Variants in VPS13A observed in about 807,000 individuals in gnomAD.
VPS13A encodes vacuolar protein sorting 13 homolog A.
In VPS13A, 264 loss-of-function variants were observed where a neutral mutation model predicts 390.9. The ratio of observed to expected loss-of-function variants is 0.68; its 90% CI spans 0.61 to 0.75. The LOEUF is 0.75. VPS13A is among the 30% of genes least tolerant of loss of function. The pLI is 0.00. For synonymous variants in VPS13A, 1,231 were observed against 1,227.1 expected (o/e 1.00, Z -0.07); for missense variants, 3,409 against 3,733.9 (o/e 0.91, Z 2.27).
chr9:77,396,638 T>C (rs1432711965), intron 68 of VPS13A, among the ~76,000 whole-genome samples: 1 of 152,176 alleles, frequency 6.6e-6, no homozygotes, highest in Non-Finnish European at 1.5e-5. Flanking sequence ...CACTCGAGTC[T>C]GAGGTTTGAA....
intron 68 of VPS13A, among the ~76,000 whole-genome samples, chr9:77,392,162 G>C (rs967792459): frequency 5.9e-5 from 9 of 152,156 alleles, no homozygotes; most frequent in Non-Finnish European, 1.2e-4. Context: ...CCTAAAATAT[G>C]ACCCATCTTC....
intron 19 of VPS13A, among the ~76,000 whole-genome samples, chr9:77,242,271 A>G (rs1244841860): frequency 1.3e-5 from 2 of 152,270 alleles, no homozygotes; most frequent in Non-Finnish European, 2.9e-5. Context: ...TTCCTAAGAT[A>G]AAATAATTTA....
intron 10 of VPS13A, among the ~76,000 whole-genome samples, chr9:77,218,590 A>G (rs575702252): frequency 3.2e-4 from 48 of 151,758 alleles, no homozygotes; most frequent in African/African-American, 1.1e-3. Flanking sequence ...AAAGTTTGAG[A>G]ACCACTCAGA....
intron 5 of VPS13A, among the ~76,000 whole-genome samples, chr9:77,207,267 GTAACA>G (rs1413189795): frequency 3.9e-5 from 3 of 77,224 alleles, no homozygotes; most frequent in Admixed American, 3.8e-4. Context: ...CGTGTTATAT[GTAACA>G]TAACATGCAT....
chr9:77,196,437 C>CT (rs1825006173), intron 1 of VPS13A, among the ~76,000 whole-genome samples: 1 of 152,172 alleles, frequency 6.6e-6, no homozygotes, highest in South Asian at 2.1e-4. Context: ...TTCTTCCCAT[C>CT]TTACTGTAAC....
At chr9:77,276,264 G>A in intron 26 of VPS13A, 43 bp downstream of exon 26, 1 of 1,486,758 alleles carries the variant, frequency 6.7e-7, no homozygotes, top group Non-Finnish European at 9.0e-7. Context: ...TAATTTCATT[G>A]TTTGACTACC....
chr9:77,399,518 C>CT (rs1834281138), intron 68 of VPS13A, among the ~76,000 whole-genome samples: 1 of 143,086 alleles, frequency 7.0e-6, no homozygotes, highest in South Asian at 2.4e-4. Context: ...TAAACCATAG[C>CT]TTTTAAACTA....
chr9:77,214,955 G>A (rs1042820720), intron 10 of VPS13A, among the ~76,000 whole-genome samples: 1 of 152,072 alleles, frequency 6.6e-6, no homozygotes, highest in Non-Finnish European at 1.5e-5. Flanking sequence ...TAGTAGAGAC[G>A]GGGTTTCACC....
rs200313087 is a variant in VPS13A at position 77,191,295 on chromosome 9, CTTTTTTT to C, written c.101-8640_101-8634del. Among the ~76,000 whole-genome samples the C allele has an allele frequency of 3.7e-5, 5 of 134,568 alleles. No individual in the cohort carries two copies. In the Admixed American group the frequency reaches 3.8e-4, roughly 10 times the overall value. The allele number at this position is 134,568 out of a possible 152,430, so 88.3% of individuals were successfully genotyped here. On this transcript the variant is annotated intron_variant, in intron 1 of 71. Coordinates refer to ENST00000360280, the MANE Select transcript of VPS13A (RefSeq NM_033305.3). ...TTTCTTTTCTTTTCTTTTTCTTCTT[CTTTTTTT>C]TTTTTTTTTGAGACAGGTTCTTGCC...
chr9:77,359,185 TGTA>T (rs962584297), intron 57 of VPS13A, 145 bp from the exon 58 acceptor site: 11 of 674,572 alleles, frequency 1.6e-5, no homozygotes, highest in Admixed American at 2.6e-5. Flanking sequence ...AAATTAAGAT[TGTA>T]GTAGATTTTG....
intron 17 of VPS13A, among the ~76,000 whole-genome samples, chr9:77,229,820 T>C (rs951671370): frequency 3.3e-5 from 5 of 152,168 alleles, no homozygotes; most frequent in Non-Finnish European, 7.3e-5. Context: ...GCTAATACTA[T>C]TTAACCTTTT....
intron 17 of VPS13A, among the ~76,000 whole-genome samples, chr9:77,235,092 A>G (rs554419717): frequency 2.0e-5 from 3 of 152,340 alleles, no homozygotes; most frequent in Admixed American, 2.0e-4. Context: ...CCAAAAATGC[A>G]ATATTACTGG....
chr9:77,181,652 T>C (rs1824026120), intron 1 of VPS13A, among the ~76,000 whole-genome samples: 1 of 152,144 alleles, frequency 6.6e-6, no homozygotes, highest in African/African-American at 2.4e-5. Flanking sequence ...ATCCAGCAAA[T>C]TTCAATATTA....
At chr9:77,228,828 C>A (rs1333186407) in intron 17 of VPS13A, among the ~76,000 whole-genome samples, 1 of 152,012 alleles carries the variant, frequency 6.6e-6, no homozygotes, top group African/African-American at 2.4e-5. Flanking sequence ...GGCACCTCTT[C>A]CCTGGTGGCA....
chr9:77,298,200 G>T (rs1243336577), intron 33 of VPS13A, among the ~76,000 whole-genome samples: 1 of 152,164 alleles, frequency 6.6e-6, no homozygotes, highest in Non-Finnish European at 1.5e-5. Context: ...GAGAGATCTT[G>T]AAAGAAATCC....
chr9:77,371,654 A>AT (rs76102647), intron 67 of VPS13A, among the ~76,000 whole-genome samples: 30,615 of 147,454 alleles, frequency 0.21, 3,693 homozygotes, highest in Admixed American at 0.34. Context: ...ATTCATTTTG[A>AT]TTTTTTTTTT....
At chr9:77,324,437 G>A (rs1829901010) in intron 45 of VPS13A, among the ~76,000 whole-genome samples, 1 of 152,092 alleles carries the variant, frequency 6.6e-6, no homozygotes, top group Non-Finnish European at 1.5e-5. Flanking sequence ...TTCCTAGTGT[G>A]CTGAGAGTTT....
intron 19 of VPS13A, among the ~76,000 whole-genome samples, chr9:77,240,064 G>A (rs943765593): frequency 6.6e-6 from 1 of 150,900 alleles, no homozygotes. Context: ...AATTACTTGT[G>A]CATTTACTAC....
At chr9:77,400,192 T>A (rs1007167266) in intron 68 of VPS13A, among the ~76,000 whole-genome samples, 1 of 151,460 alleles carries the variant, frequency 6.6e-6, no homozygotes, top group Non-Finnish European at 1.5e-5. Context: ...TTTTGAGTTA[T>A]AGTGAATATT....
Sources: gnomAD v4.1 joint callset for allele counts (sites outside exome capture counted in the v4.1 genomes callset) on GRCh38, gnomAD v4.1.1 for gene constraint, MANE v1.5 for transcripts, NCBI Gene and HGNC (gene_info 2026-07-23, HGNC 2026-07-21) for gene names.